Variants in RIN1 observed in about 807,000 individuals in gnomAD.
The protein encoded by RIN1 is Ras and Rab interactor 1.
RIN1 carries 52 observed loss-of-function variants against 64.9 expected under a neutral mutation model. That is an observed-to-expected ratio of 0.80 (90% CI 0.64 to 1.01). RIN1 has a LOEUF of 1.01. RIN1 is among the 50% of genes least tolerant of loss of function. The pLI is 0.00. For missense variants in RIN1, 1,040 were observed against 1,064.5 expected (o/e 0.98, Z 0.32); for synonymous variants, 486 against 483.6 (o/e 1.00, Z -0.06).
In RIN1 at chr11:66,335,138, C is replaced by A. The variant is rs768448722; in HGVS notation, c.661G>T (p.Ala221Ser). The change falls in exon 6 of 10, where the codon GCC becomes TCC. Residue 221 changes from alanine to serine, a missense_variant. Coordinates refer to ENST00000311320, the MANE Select transcript of RIN1 (RefSeq NM_004292.3). ...AACAGGGGGTTGAAGAAGCACAAGGCGGCTCCGGTGCCCTGGTCCAGCTCT... is the reference window on the plus strand; with the variant it reads ...AACAGGGGGTTGAAGAAGCACAAGGAGGCTCCGGTGCCCTGGTCCAGCTCT... ...PQELDQGTGA[A>S]LCFFNPLFPG... 1.9e-6 allele frequency: 3 copies of A among 1,541,716 alleles called. No homozygotes were observed. Among genetic ancestry groups the A allele is most frequent in the Non-Finnish European group, 2.6e-6 (3 of 1,148,562 alleles).
chr11:66,334,216 G>A lies in RIN1; in HGVS notation c.1294C>T (p.Leu432=). 6.8e-7 allele frequency: 1 copy of A among 1,476,380 alleles called. No individual in the cohort carries two copies. Among genetic ancestry groups the A allele is most frequent in the Non-Finnish European group, 8.9e-7 (1 of 1,119,792 alleles). The allele number at this position is 1,476,380 out of a possible 1,614,324, so 91.5% of individuals were successfully genotyped here. A position where few individuals can be genotyped will look rare whatever the true frequency, so the allele number is the denominator to read the frequency against. ...LLSPKRLEHV[L]EKSLHCSVLK... Reference sequence around the variant, plus strand: ...ACAGAGCAATGCAATGACTTCTCCAGGACATGTTCTGCCGGAGGGACAGGG... The same window carrying A: ...ACAGAGCAATGCAATGACTTCTCCAAGACATGTTCTGCCGGAGGGACAGGG... The change falls in exon 7 of 10, where the codon CTG becomes TTG. Residue 432 remains leucine, a synonymous_variant. Coordinates refer to ENST00000311320, the MANE Select transcript of RIN1 (RefSeq NM_004292.3).
chr11:66,333,615 G>C lies in RIN1; in HGVS notation c.1635C>G (p.Leu545=). 6.2e-7 allele frequency: 1 copy of C among 1,613,076 alleles called. No individual in the cohort carries two copies. Among genetic ancestry groups the C allele is most frequent in the Non-Finnish European group, 8.5e-7 (1 of 1,179,778 alleles). Residue 545 remains leucine, a synonymous_variant, in exon 8 of 10, where the codon CTC becomes CTG. Coordinates refer to ENST00000311320, the MANE Select transcript of RIN1 (RefSeq NM_004292.3). The part of the protein sequence containing the change: ...GADEFLPLLS[L]VLAHCDLPEL... ...CAGGAAGGTCACAGTGGGCCAAGAC[G>C]AGGCTCAGCAGAGGCAGGAACTCGT...
chr11:66,334,581 C>T lies in RIN1; in HGVS notation c.1218G>A (p.Leu406=). ...CACTCAGCATGGCCCGGGCCCGGCT[C>T]AGCGCCTGACGGATGCCCTGCAGCT... The part of the protein sequence containing the change: ...PQELQGIRQA[L]SRARAMLSAE... Residue 406 remains leucine, a synonymous_variant, in exon 6 of 10, where the codon CTG becomes CTA. Coordinates refer to ENST00000311320, the MANE Select transcript of RIN1 (RefSeq NM_004292.3). 6.3e-7 allele frequency: 1 copy of T among 1,584,206 alleles called. No homozygotes were observed. The highest frequency in any genetic ancestry group is 8.6e-7 in the Non-Finnish European group (1 of 1,167,174).
intron 6 of RIN1, 42 bp from the exon 7 acceptor site, chr11:66,334,266 A>G (rs772913744): frequency 7.8e-5 from 30 of 384,286 alleles, no homozygotes; most frequent in Non-Finnish European, 1.3e-4. Flanking sequence ...GACTGGGGGT[A>G]TGGGGGGCAG....
At position 66,332,157 on chromosome 11, in the gene RIN1, TCAGA is replaced by T. The variant is rs1455166202; in HGVS notation, c.*115_*118del. ...CCCCCAGCTTCCCTGGAAACAAGTA[TCAGA>T]CAAAGGTGGTGGCAGACACAGGACA... On this transcript the variant is annotated 3_prime_UTR_variant, in exon 10 of 10. Transcript: ENST00000311320. The T allele has an allele frequency of 1.2e-5, 11 of 908,140 alleles. No homozygotes were observed. Among genetic ancestry groups the T allele is most frequent in the Admixed American group, 2.0e-5 (1 of 50,136 alleles). The allele number at this position is 908,140 out of a possible 1,614,324, so 56.3% of individuals were successfully genotyped here. A position where few individuals can be genotyped will look rare whatever the true frequency, so the allele number is the denominator to read the frequency against.
chr11:66,336,405 C>A lies in RIN1; in HGVS notation c.-3G>T. ...CCTGACTCTCCAGGGCTTTCCATGG[C>A]TGGGAGCTCCTTCGCTTCAGGAAGA... On this transcript the variant is annotated 5_prime_UTR_variant, in exon 1 of 10. Transcript: ENST00000311320. 1 of 1,611,454 alleles carries A rather than the reference C, an allele frequency of 6.2e-7. No individual in the cohort carries two copies. Among genetic ancestry groups the A allele is most frequent in the Admixed American group, 1.7e-5 (1 of 59,752 alleles).
rs151065096 is a variant in RIN1, at chr11:66,334,913, G to A, written c.886C>T (p.Arg296Cys). 22 of 1,582,852 alleles carry A rather than the reference G, an allele frequency of 1.4e-5. No homozygotes were observed. The highest frequency in any genetic ancestry group is 9.1e-5 in the East Asian group (4 of 43,910). The change falls in exon 6 of 10, where the codon CGC becomes TGC. Residue 296 changes from arginine to cysteine, a missense_variant. Coordinates refer to ENST00000311320, the MANE Select transcript of RIN1 (RefSeq NM_004292.3). ...CTAGGGCCACTGCCTGCTGGCACGC[G>A]GTACCCCACTGAGCTCTCCCTCCGT... Reference protein sequence around the residue: ...LLRRESSVGYRVPAGSGPSLP... With the variant: ...LLRRESSVGYCVPAGSGPSLP...
In RIN1 at chr11:66,332,676, G is replaced by C; in HGVS notation, c.1952C>G (p.Ser651Trp). ...ACAGAGCTGGTTCAGGGTGGCAATCGAGGCTTCTGGGGGCACGGCCAGGGT... is the reference window on the plus strand; with the variant it reads ...ACAGAGCTGGTTCAGGGTGGCAATCCAGGCTTCTGGGGGCACGGCCAGGGT... ...SKTLAVPPEA[S>W]IATLNQLCAT... is the part of the protein sequence containing the mutation. Residue 651 changes from serine (S) to tryptophan (W), a missense_variant, in exon 10 of 10, where the codon TCG becomes TGG. Physicochemically the swap from Ser to Trp is radical, Grantham distance 177. Coordinates refer to ENST00000311320, the MANE Select transcript of RIN1 (RefSeq NM_004292.3). The C allele has an allele frequency of 6.4e-7, 1 of 1,568,472 alleles. No individual in the cohort carries two copies. The highest frequency in any genetic ancestry group is 8.6e-7 in the Non-Finnish European group (1 of 1,157,360).
chr11:66,331,928 A>G lies in RIN1; in HGVS notation c.*348T>C. ...TGCCTCAGCCATGCCCATGAGGGGA[A>G]GGGTAAAAGGAGCTGAGACCGTCAC... On this transcript the variant is annotated 3_prime_UTR_variant, in exon 10 of 10. Coordinates refer to ENST00000311320, the MANE Select transcript of RIN1 (RefSeq NM_004292.3). The G allele has an allele frequency of 3.2e-6, 1 of 310,596 alleles. No individual in the cohort carries two copies. Among genetic ancestry groups the G allele is most frequent in the South Asian group, 4.3e-5 (1 of 23,186 alleles). The allele number at this position is 310,596 out of a possible 1,614,324, so 19.2% of individuals were successfully genotyped here. A position where few individuals can be genotyped will look rare whatever the true frequency, so the allele number is the denominator to read the frequency against.
At position 66,335,269 on chromosome 11, in the gene RIN1, G is replaced by A. The variant is rs753103308; in HGVS notation, c.548-18C>T. ...CCAGAACTCTAGGGAACAAGAAACC[G>A]ACTGGGGCCTCCGGGACTGGTTAGG... On this transcript the variant is annotated intron_variant, in intron 5 of 9. Transcript: ENST00000311320. 1.9e-5 allele frequency: 29 copies of A among 1,567,196 alleles called. No homozygotes were observed. The highest frequency in any genetic ancestry group is 1.9e-5 in the Non-Finnish European group (22 of 1,165,400).
At chr11:66,333,215 G>A in intron 9 of RIN1, 43 bp downstream of exon 9, 1 of 1,601,652 alleles carries the variant, frequency 6.2e-7, no homozygotes, top group Non-Finnish European at 8.5e-7. Flanking sequence ...GTGAAAGGCG[G>A]GGATGGCGTC....
In RIN1 at chr11:66,334,694, C is replaced by T; in HGVS notation, c.1105G>A (p.Ala369Thr). Residue 369 changes from alanine (A) to threonine (T), a missense_variant, in exon 6 of 10, where the codon GCA becomes ACA. Physicochemically the swap from Ala to Thr is moderately conservative, Grantham distance 58. Transcript: ENST00000311320. Reference protein sequence around the residue: ...APERQVGRAAAALMQDRHTAA... With the variant: ...APERQVGRAATALMQDRHTAA... The stretch of plus-strand genomic sequence containing the variant: ...GTGTGTCGGTCCTGCATCAGTGCTG[C>T]CGCAGCCCGGCCCACCTGCCGCTCC... 6.4e-7 allele frequency: 1 copy of T among 1,550,668 alleles called. No individual in the cohort carries two copies. Among genetic ancestry groups the T allele is most frequent in the Non-Finnish European group, 8.7e-7 (1 of 1,148,842 alleles).
chr11:66,332,763 G>C lies in RIN1; in HGVS notation c.1876-11C>G, dbSNP rs367918011. On this transcript the variant is annotated splice_polypyrimidine_tract_variant and intron_variant, in intron 9 of 9. Transcript: ENST00000311320. ...TACTCGGAGGAGGTGCTATGCAGGA[G>C]GAGAAGCAAAAACAAGTACTCAGCC... The C allele has an allele frequency of 6.7e-7, 1 of 1,502,268 alleles. No individual in the cohort carries two copies. Among genetic ancestry groups the C allele is most frequent in the Non-Finnish European group, 8.9e-7 (1 of 1,126,266 alleles). 93.1% of individuals were successfully genotyped at this position (1,502,268 alleles called of 1,614,324 possible). A position where few individuals can be genotyped will look rare whatever the true frequency, so the allele number is the denominator to read the frequency against.
rs1854809954 is a variant in RIN1, at chr11:66,334,110, T to G, written c.1400A>C (p.Glu467Ala). The part of the protein sequence containing the change: ...AADGSLGRLA[E>A]GLRLARAQGP... ...CTGGGCCCGGGCCAGGCGGAGGCCC[T>G]CAGCTAGGCGGCCCAGGGAGCCGTC... Residue 467 changes from glutamate to alanine, a missense_variant, in exon 7 of 10, where the codon GAG becomes GCG. Coordinates refer to ENST00000311320, the MANE Select transcript of RIN1 (RefSeq NM_004292.3). 1.3e-6 allele frequency: 2 copies of G among 1,554,342 alleles called. No individual in the cohort carries two copies.
rs756599271 is a variant in RIN1 at position 66,335,092 on chromosome 11, G to A, written c.707C>T (p.Thr236Ile). 5.9e-6 allele frequency: 9 copies of A among 1,528,248 alleles called. No individual in the cohort carries two copies. Among genetic ancestry groups the A allele is most frequent in the Non-Finnish European group, 7.9e-6 (9 of 1,140,052 alleles). 94.7% of individuals were successfully genotyped at this position (1,528,248 alleles called of 1,614,324 possible). ...NPLFPGDLGP[T>I]KREKFKRSFK... ...GCTTCTCTTGAATTTCTCCCGCTTG[G>A]TGGGCCCTAGGTCCCCCGGGAACAG... Residue 236 changes from threonine to isoleucine, a missense_variant, in exon 6 of 10, where the codon ACC becomes ATC. Thr to Ile is a moderately conservative substitution (Grantham distance 89). Transcript: ENST00000311320.
chr11:66,333,150 G>C, intron 9 of RIN1, 108 bp downstream of exon 9: 22 of 1,383,582 alleles, frequency 1.6e-5, no homozygotes, highest in Non-Finnish European at 1.8e-5. Context: ...GCAGAGCCAG[G>C]ATTAGAACCC....
At chr11:66,335,574 G>A (rs370524552) in intron 4 of RIN1, 36 bp downstream of exon 4, 1 of 1,611,832 alleles carries the variant, frequency 6.2e-7, no homozygotes, top group African/African-American at 1.3e-5. Context: ...AAGGAGCAGG[G>A]CCCGTGGACA....
chr11:66,334,535 G>C lies in RIN1; in HGVS notation c.1264C>G (p.Leu422Val). 3 of 1,594,286 alleles carry C rather than the reference G, an allele frequency of 1.9e-6. No homozygotes were observed. The highest frequency in any genetic ancestry group is 2.6e-6 in the Non-Finnish European group (3 of 1,171,952). Residue 422 changes from leucine (L) to valine (V), a missense_variant, in exon 6 of 10, where the codon CTG (leucine) becomes GTG (valine). By Grantham distance (32) the Leu-to-Val change is conservative. Transcript: ENST00000311320. ...MLSAELGPEK[L>V]LSPKRLEHVL... ...TCACCCAGCCTCTTAGGCGACAGCA[G>C]CTTCTCAGGGCCCAGCTCCGCACTC...
chr11:66,334,146 CGGCGCCGCAGGCG>C lies in RIN1; in HGVS notation c.1351_1363del (p.Arg451GlyfsTer11). 6.5e-7 allele frequency: 1 copy of C among 1,540,812 alleles called. No homozygotes were observed. The highest frequency in any genetic ancestry group is 1.2e-5 in the South Asian group (1 of 82,244). On this transcript the variant is annotated frameshift_variant, in exon 7 of 10. Transcript: ENST00000311320. LOFTEE classifies it high-confidence loss of function. ...GCCCAGGGAGCCGTCTGCGGCAAGC[CGGCGCCGCAGGCG>C]GGCTGCCAGGATGGGCCGGAGAGGC...
Sources: allele counts gnomAD v4.1 joint callset, GRCh38; gene constraint gnomAD v4.1.1; transcripts MANE v1.5; gene names NCBI Gene and HGNC (gene_info 2026-07-23, HGNC 2026-07-21).